The following BTRC variants were observed in gnomAD, a reference collection of about 807,000 sequenced individuals.
The protein encoded by BTRC is F-box/WD repeat-containing protein 1A.
In BTRC, 42 loss-of-function variants were observed where a neutral mutation model predicts 85.5. That is an observed-to-expected ratio of 0.49 (90% CI 0.38 to 0.64). BTRC has a LOEUF of 0.64. Ranked by LOEUF, BTRC falls within the 30% of genes least tolerant of loss-of-function variation. BTRC has a pLI of 0.00. For synonymous variants in BTRC, 255 were observed against 263.3 expected (o/e 0.97, Z 0.30); for missense variants, 594 against 743.5 (o/e 0.80, Z 2.34).
intron 1 of BTRC, among the ~76,000 whole-genome samples, chr10:101,366,545 A>T (rs986950510): frequency 3.3e-5 from 5 of 151,594 alleles, no homozygotes; most frequent in African/African-American, 1.2e-4. Context: ...TAGAAGCTTT[A>T]AAGAAGAAAG....
intron 2 of BTRC, among the ~76,000 whole-genome samples, chr10:101,459,640 C>CT (rs567768934): frequency 6.6e-6 from 1 of 152,104 alleles, no homozygotes; most frequent in Non-Finnish European, 1.5e-5. Flanking sequence ...TTTAAATATT[C>CT]TTTGCCCTAG....
chr10:101,433,659 A>T (rs1944456026), intron 2 of BTRC, among the ~76,000 whole-genome samples: 1 of 152,224 alleles, frequency 6.6e-6, no homozygotes, highest in Non-Finnish European at 1.5e-5. Context: ...CTGAGGTCTT[A>T]TGGGCCATTC....
Position 101,532,301 on chromosome 10 carries a change from G to C in BTRC, c.847G>C (p.Glu283Gln). The C allele has an allele frequency of 6.2e-7, 1 of 1,610,410 alleles. No individual in the cohort carries two copies. Among genetic ancestry groups the C allele is most frequent in the Non-Finnish European group, 8.5e-7 (1 of 1,178,880 alleles). The change falls in exon 8 of 15, where the codon GAA (glutamate) becomes CAA (glutamine). Residue 283 changes from glutamate to glutamine, a missense_variant. Glu to Gln is a conservative substitution (Grantham distance 29). Coordinates refer to ENST00000370187, the MANE Select transcript of BTRC (RefSeq NM_033637.4). ...TCCCATTCCTTCTTCTCAGACAATA[G>C]AATCTAATTGGAGATGTGGAAGACA... ...PKIIQDIETI[E>Q]SNWRCGRHSL...
At chr10:101,354,080 G>T (rs926823272), upstream of BTRC, 1 of 1,379,782 alleles carries the variant, frequency 7.2e-7, no homozygotes, top group Middle Eastern at 2.5e-4. Flanking sequence ...AGAGAGGGCG[G>T]GGGGAAGGAA....
intron 1 of BTRC, among the ~76,000 whole-genome samples, chr10:101,404,451 G>A (rs1943570492): frequency 2.6e-5 from 4 of 151,988 alleles, no homozygotes; most frequent in African/African-American, 9.7e-5. Context: ...AGTAATTTTT[G>A]CGTTATATCC....
intron 5 of BTRC, among the ~76,000 whole-genome samples, chr10:101,523,105 G>A (rs1376074608): frequency 2.0e-5 from 3 of 152,088 alleles, no homozygotes; most frequent in African/African-American, 7.2e-5. Flanking sequence ...TTGGGAGACT[G>A]GGGCAGGAGA....
intron 1 of BTRC, among the ~76,000 whole-genome samples, chr10:101,391,920 A>T (rs1316936057): frequency 6.6e-6 from 1 of 152,216 alleles, no homozygotes; most frequent in Non-Finnish European, 1.5e-5. Context: ...AAAGTGACTA[A>T]TGAAGGGCTT....
chr10:101,530,961 C>T (rs1589604138), intron 6 of BTRC, among the ~76,000 whole-genome samples: 1 of 152,074 alleles, frequency 6.6e-6, no homozygotes, highest in Non-Finnish European at 1.5e-5. Flanking sequence ...TCATTTGAGG[C>T]CAGGAGTTCA....
chr10:101,496,913 CTG>C (rs1946276367), intron 4 of BTRC, among the ~76,000 whole-genome samples: 1 of 152,106 alleles, frequency 6.6e-6, no homozygotes, highest in Non-Finnish European at 1.5e-5. Flanking sequence ...TAAATGATGT[CTG>C]TGATGAACAG....
At chr10:101,366,692 A>C (rs1404690907) in intron 1 of BTRC, among the ~76,000 whole-genome samples, 4 of 144,296 alleles carry the variant, frequency 2.8e-5, no homozygotes, top group African/African-American at 1.0e-4. Context: ...ATAGGTGGGT[A>C]GATAGATATA....
intron 4 of BTRC, among the ~76,000 whole-genome samples, chr10:101,481,870 T>A (rs993985750): frequency 6.6e-6 from 1 of 152,238 alleles, no homozygotes; most frequent in Non-Finnish European, 1.5e-5. Context: ...TGGTTCCTTT[T>A]ATTGGCCCAC....
intron 1 of BTRC, among the ~76,000 whole-genome samples, chr10:101,371,240 A>C (rs1171154673): frequency 1.3e-5 from 2 of 151,754 alleles, no homozygotes; most frequent in East Asian, 3.9e-4. Context: ...ACTGGAGTGC[A>C]ATGAATGGCA....
At position 101,415,486 on chromosome 10, in the gene BTRC, T is replaced by TTTATG. The variant is rs1191532968; in HGVS notation, c.49-14794_49-14790dup. Among the ~76,000 whole-genome samples, 56 of 17,094 alleles carry TTTATG rather than the reference T, an allele frequency of 3.3e-3. 1 individual carries two copies. Among genetic ancestry groups the TTTATG allele is most frequent in the African/African-American group, 9.3e-3 (55 of 5,894 alleles). The allele number at this position is 17,094 out of a possible 152,430, so 11.2% of individuals were successfully genotyped here. A position where few individuals can be genotyped will look rare whatever the true frequency, so the allele number is the denominator to read the frequency against. Reference sequence around the variant, plus strand: ...TTTATTTTATTTTATTTTATTTTATTTTATGTTATGTTATGTTATGTTATG... The same window carrying TTTATG: ...TTTATTTTATTTTATTTTATTTTATTTTATGTTATGTTATGTTATGTTATGTTATG... On this transcript the variant is annotated intron_variant, in intron 1 of 14. Coordinates refer to ENST00000370187, the MANE Select transcript of BTRC (RefSeq NM_033637.4).
intron 3 of BTRC, among the ~76,000 whole-genome samples, chr10:101,471,731 T>A (rs920145986): frequency 3.9e-5 from 6 of 152,238 alleles, no homozygotes; most frequent in Admixed American, 2.0e-4. Context: ...AAAGATTTTT[T>A]AAACTTATTA....
intron 4 of BTRC, among the ~76,000 whole-genome samples, chr10:101,503,153 G>T (rs1425867024): frequency 6.6e-6 from 1 of 152,116 alleles, no homozygotes; most frequent in Non-Finnish European, 1.5e-5. Flanking sequence ...GTCAAATTAT[G>T]ATTTTTTAAT....
chr10:101,497,769 C>A (rs1946300055), intron 4 of BTRC, among the ~76,000 whole-genome samples: 1 of 151,992 alleles, frequency 6.6e-6, no homozygotes, highest in Admixed American at 6.5e-5. Context: ...TGCCTGTAAT[C>A]CCAGCACTTT....
At chr10:101,478,956 AAAAG>A (rs1945766318) in intron 3 of BTRC, among the ~76,000 whole-genome samples, 1 of 151,704 alleles carries the variant, frequency 6.6e-6, no homozygotes, top group Admixed American at 6.6e-5. Context: ...AAAAAAAAAA[AAAAG>A]AAACATGCCC....
At chr10:101,400,896 C>T (rs980331451) in intron 1 of BTRC, among the ~76,000 whole-genome samples, 5 of 151,760 alleles carry the variant, frequency 3.3e-5, no homozygotes, top group Middle Eastern at 3.2e-3. Context: ...TCCTTTTTTC[C>T]GTCCCCACTA....
At chr10:101,454,156 G>T (rs1271742314) in intron 2 of BTRC, among the ~76,000 whole-genome samples, 1 of 152,170 alleles carries the variant, frequency 6.6e-6, no homozygotes. Context: ...GACAGTCTGG[G>T]TTTAGGGTTT....
Sources: gnomAD v4.1 joint callset for allele counts (sites outside exome capture counted in the v4.1 genomes callset) on GRCh38, gnomAD v4.1.1 for gene constraint, MANE v1.5 for transcripts, NCBI Gene and HGNC (gene_info 2026-07-23, HGNC 2026-07-21) for gene names.